Variants in MYO3B observed in about 807,000 individuals in gnomAD.
The protein encoded by MYO3B is myosin-IIIb.
In MYO3B, 156 loss-of-function variants were observed where a neutral mutation model predicts 174.6. The observed-to-expected ratio is 0.89, with a 90% CI of 0.78 to 1.02. The LOEUF is 1.02. MYO3B is among the 50% of genes least tolerant of loss of function. The pLI, the probability that MYO3B is intolerant of heterozygous loss-of-function variation, is 0.00. For missense variants in MYO3B, 1,632 were observed against 1,639.4 expected (o/e 1.00, Z 0.08); for synonymous variants, 563 against 569.1 (o/e 0.99, Z 0.15).
intron 10 of MYO3B, 50 bp from the exon 11 acceptor site, chr2:170,383,023 C>G (rs541005228): frequency 2.9e-5 from 33 of 1,145,426 alleles, no homozygotes; most frequent in African/African-American, 2.1e-4. Context: ...TAGAATCTAT[C>G]CCTTGACTGG....
chr2:170,360,539 G>A (rs1166391854), intron 8 of MYO3B, among the ~76,000 whole-genome samples: 1 of 152,182 alleles, frequency 6.6e-6, no homozygotes, highest in African/African-American at 2.4e-5. Flanking sequence ...CTGAGAGAAA[G>A]TAGCTAACTA....
At chr2:170,447,109 A>ATTC (rs1451880142) in intron 23 of MYO3B, among the ~76,000 whole-genome samples, 4 of 152,240 alleles carry the variant, frequency 2.6e-5, no homozygotes, top group African/African-American at 9.6e-5. Flanking sequence ...CTTCCTAGGT[A>ATTC]TTCTGGCCTG....
At chr2:170,427,893 C>G (rs1171944477) in intron 22 of MYO3B, among the ~76,000 whole-genome samples, 14 of 152,152 alleles carry the variant, frequency 9.2e-5, no homozygotes, top group Non-Finnish European at 1.8e-4. Context: ...TGATTATTGC[C>G]TTCACATTAG....
At chr2:170,478,925 C>CACACACACACACA (rs202239702) in intron 25 of MYO3B, among the ~76,000 whole-genome samples, 1 of 144,082 alleles carries the variant, frequency 6.9e-6, no homozygotes, top group African/African-American at 2.6e-5. Flanking sequence ...CACACACACA[C>CACACACACACACA]TAAACCTATA....
In MYO3B at chr2:170,360,118, A is replaced by G. The variant is rs539430865; in HGVS notation, c.816-9104A>G. Among the ~76,000 whole-genome samples, 6 of 152,272 alleles carry G rather than the reference A, an allele frequency of 3.9e-5. No individual in the cohort carries two copies. The South Asian group carries it at 1.2e-3, about 32-fold the overall frequency. On this transcript the variant is annotated intron_variant, in intron 8 of 34. Transcript: ENST00000408978. ...CTGGTATAGTCCTGAGCATGTAATG[A>G]TCATGCACTGTGGAACAGATTGTTC...
chr2:170,226,202 T>C (rs561365977), intron 6 of MYO3B, among the ~76,000 whole-genome samples: 9 of 152,294 alleles, frequency 5.9e-5, no homozygotes, highest in South Asian at 2.1e-4. Context: ...GCCGGTCATA[T>C]CACTGTGAGG....
chr2:170,384,258 C>T (rs1004668971), intron 12 of MYO3B, among the ~76,000 whole-genome samples: 2 of 152,102 alleles, frequency 1.3e-5, no homozygotes, highest in African/African-American at 2.4e-5. Context: ...CCATGCACCA[C>T]ACCATTTAGC....
chr2:170,410,582 CAAAAAAA>C (rs2094539395), intron 22 of MYO3B, among the ~76,000 whole-genome samples: 1 of 35,426 alleles, frequency 2.8e-5, no homozygotes, highest in Non-Finnish European at 5.8e-5. Context: ...TCCGTCTCAA[CAAAAAAA>C]AAGAAAAAAA....
At chr2:170,198,112 GTT>G (rs10571296) in intron 1 of MYO3B, among the ~76,000 whole-genome samples, 18,019 of 143,162 alleles carry the variant, frequency 0.13, 1,232 homozygotes, top group Non-Finnish European at 0.15. Context: ...TCTCCTTTGG[GTT>G]TTTTTTTTTT....
chr2:170,198,710 T>C (rs1248197596), intron 1 of MYO3B, among the ~76,000 whole-genome samples: 5 of 152,158 alleles, frequency 3.3e-5, no homozygotes, highest in African/African-American at 1.2e-4. Context: ...TTATCTAACA[T>C]AGAGCGAGGA....
intron 7 of MYO3B, among the ~76,000 whole-genome samples, chr2:170,304,729 A>G (rs892259763): frequency 6.6e-6 from 1 of 151,824 alleles, no homozygotes; most frequent in Non-Finnish European, 1.5e-5. Flanking sequence ...AGCCACCCAA[A>G]GTACTGGGAT....
intron 32 of MYO3B, among the ~76,000 whole-genome samples, chr2:170,544,969 A>G (rs1174104368): frequency 1.3e-5 from 2 of 152,192 alleles, no homozygotes; most frequent in African/African-American, 4.8e-5. Context: ...AGCAAAATTC[A>G]TTATGCGAGA....
intron 32 of MYO3B, among the ~76,000 whole-genome samples, chr2:170,611,510 G>A: frequency 6.6e-6 from 1 of 152,236 alleles, no homozygotes; most frequent in South Asian, 2.1e-4. Flanking sequence ...GAGGACAGTG[G>A]GGACAGTGGG....
chr2:170,514,347 A>G (rs1235826165), intron 28 of MYO3B, among the ~76,000 whole-genome samples: 5 of 152,328 alleles, frequency 3.3e-5, no homozygotes, highest in African/African-American at 1.2e-4. Flanking sequence ...CTGCAATGTG[A>G]TATTCCTCAA....
At chr2:170,204,361 C>T (rs527938721) in intron 3 of MYO3B, among the ~76,000 whole-genome samples, 3 of 152,274 alleles carry the variant, frequency 2.0e-5, no homozygotes, top group African/African-American at 7.2e-5. Context: ...AAAAGAAATT[C>T]CTCTTAATTC....
intron 3 of MYO3B, among the ~76,000 whole-genome samples, chr2:170,204,252 T>C (rs1039240100): frequency 3.3e-5 from 5 of 152,212 alleles, no homozygotes; most frequent in African/African-American, 1.2e-4. Flanking sequence ...TCCTAAGGGA[T>C]TTTCTGAAGT....
intron 25 of MYO3B, among the ~76,000 whole-genome samples, chr2:170,466,977 T>G (rs996526209): frequency 2.6e-5 from 4 of 152,250 alleles, no homozygotes; most frequent in African/African-American, 9.6e-5. Flanking sequence ...AGGTCTCAAG[T>G]TCTCCAGGTA....
intron 22 of MYO3B, among the ~76,000 whole-genome samples, chr2:170,410,561 C>G (rs115286791): frequency 0.082 from 10,463 of 127,354 alleles, 433 homozygotes; most frequent in Non-Finnish European, 0.1. Context: ...AGCCTGGGAA[C>G]AGTGCAAGAC....
At chr2:170,421,404 C>G (rs888101015) in intron 22 of MYO3B, among the ~76,000 whole-genome samples, 1 of 152,172 alleles carries the variant, frequency 6.6e-6, no homozygotes, top group African/African-American at 2.4e-5. Context: ...CGGAGTGGGG[C>G]TTTCCCAGAA....
Sources: allele counts gnomAD v4.1 joint callset (sites outside exome capture counted in the v4.1 genomes callset), GRCh38; gene constraint gnomAD v4.1.1; transcripts MANE v1.5; gene names NCBI Gene and HGNC (gene_info 2026-07-23, HGNC 2026-07-21).